Variants in INPP5A observed in about 807,000 individuals in gnomAD.
INPP5A encodes 43 kDa inositol polyphosphate 5-phophatase.
A neutral mutation model predicts 65.2 loss-of-function variants in INPP5A; 14 were observed. That is an observed-to-expected ratio of 0.21 (90% CI 0.14 to 0.34). INPP5A has a LOEUF of 0.34. INPP5A is among the 10% of genes least tolerant of loss of function. The probability of loss-of-function intolerance (pLI) is 1.00; values close to 1 mark genes in which losing one functional copy is unlikely to be tolerated. For missense variants in INPP5A, 431 were observed against 545.6 expected (o/e 0.79, Z 2.09); for synonymous variants, 207 against 208.3 (o/e 0.99, Z 0.05).
intron 4 of INPP5A, among the ~76,000 whole-genome samples, chr10:132,666,696 T>C (rs2072809707): frequency 6.6e-6 from 1 of 152,244 alleles, no homozygotes; most frequent in African/African-American, 2.4e-5. Flanking sequence ...ACTGTGCTCT[T>C]CATCTTGAAA....
At chr10:132,732,422 A>G (rs1846103109) in intron 9 of INPP5A, among the ~76,000 whole-genome samples, 1 of 152,226 alleles carries the variant, frequency 6.6e-6, no homozygotes, top group Non-Finnish European at 1.5e-5. Flanking sequence ...AGCCTAGTGG[A>G]AAATAGGGAA....
intron 5 of INPP5A, among the ~76,000 whole-genome samples, chr10:132,696,783 G>A (rs1845350934): frequency 6.6e-6 from 1 of 152,188 alleles, no homozygotes; most frequent in South Asian, 2.1e-4. Context: ...GGCTGGGCCG[G>A]GTCACAGCAC....
At chr10:132,656,481 C>T (rs1026019183) in intron 4 of INPP5A, among the ~76,000 whole-genome samples, 3 of 152,188 alleles carry the variant, frequency 2.0e-5, no homozygotes, top group Middle Eastern at 3.2e-3. Flanking sequence ...GCCTGCTCCT[C>T]GGAGGGTCCC....
intron 7 of INPP5A, among the ~76,000 whole-genome samples, chr10:132,709,998 C>T (rs1288278043): frequency 6.6e-6 from 1 of 152,274 alleles, no homozygotes; most frequent in Non-Finnish European, 1.5e-5. Flanking sequence ...CAGCCCTGAG[C>T]AGCATCAGCT....
At chr10:132,598,187 C>T (rs770202743) in intron 1 of INPP5A, among the ~76,000 whole-genome samples, 28 of 152,134 alleles carry the variant, frequency 1.8e-4, no homozygotes, top group African/African-American at 5.6e-4. Flanking sequence ...GTGTGTGGCT[C>T]GGCTGCTTGA....
rs534805803 is a variant in INPP5A at position 132,630,919 on chromosome 10, C to T, written c.118-14949C>T. ...TTTCCACCTCTGCCCGTGGCGTCTCCGGCAGCAGCTTCTGGCTCCATCTGC... is the reference window on the plus strand; with the variant it reads ...TTTCCACCTCTGCCCGTGGCGTCTCTGGCAGCAGCTTCTGGCTCCATCTGC... On this transcript the variant is annotated intron_variant, in intron 2 of 15. Coordinates refer to ENST00000368594, the MANE Select transcript of INPP5A (RefSeq NM_005539.5). Among the ~76,000 whole-genome samples the T allele has an allele frequency of 5.9e-5, 9 of 152,294 alleles. No individual in the cohort carries two copies. The South Asian group carries it at 8.3e-4, about 14-fold the overall frequency.
At chr10:132,720,744 C>T (rs1331472822) in intron 8 of INPP5A, among the ~76,000 whole-genome samples, 9 of 148,946 alleles carry the variant, frequency 6.0e-5, no homozygotes, top group Non-Finnish European at 5.9e-5. Context: ...TCTGTCTGGG[C>T]GCCTTAGACG....
intron 1 of INPP5A, among the ~76,000 whole-genome samples, chr10:132,562,222 T>C (rs2071215022): frequency 6.6e-6 from 1 of 152,232 alleles, no homozygotes; most frequent in African/African-American, 2.4e-5. Flanking sequence ...AGGCATGACC[T>C]CTGCACATCA....
At chr10:132,712,752 A>G (rs550895689) in intron 8 of INPP5A, among the ~76,000 whole-genome samples, 3 of 143,034 alleles carry the variant, frequency 2.1e-5, no homozygotes, top group Admixed American at 2.1e-4. Flanking sequence ...GTGTAGGTGC[A>G]TGTGTCTGTG....
intron 4 of INPP5A, among the ~76,000 whole-genome samples, chr10:132,683,733 C>T (rs150865180): frequency 6.6e-6 from 1 of 152,302 alleles, no homozygotes; most frequent in East Asian, 1.9e-4. Flanking sequence ...TTGTTTGAGA[C>T]AAAGTCTCAC....
At chr10:132,686,604 C>A (rs559530405) in intron 4 of INPP5A, among the ~76,000 whole-genome samples, 1 of 152,312 alleles carries the variant, frequency 6.6e-6, no homozygotes, top group South Asian at 2.1e-4. Flanking sequence ...TTTAAATGTT[C>A]ATTACAGCTA....
chr10:132,744,321 C>G (rs1402434121), intron 9 of INPP5A, among the ~76,000 whole-genome samples: 1 of 152,246 alleles, frequency 6.6e-6, no homozygotes, highest in Non-Finnish European at 1.5e-5. Flanking sequence ...CATCCCCCAC[C>G]ACCCACAGGC....
intron 1 of INPP5A, among the ~76,000 whole-genome samples, chr10:132,582,121 G>A (rs1750337038): frequency 6.6e-6 from 1 of 152,154 alleles, no homozygotes; most frequent in Non-Finnish European, 1.5e-5. Context: ...TTACAGGTAT[G>A]AGCCACTGCG....
At position 132,650,754 on chromosome 10, in the gene INPP5A, T is replaced by C. The variant is rs779198299; in HGVS notation, c.306+249T>C. Among the ~76,000 whole-genome samples the C allele has an allele frequency of 3.9e-5, 6 of 152,152 alleles. No individual in the cohort carries two copies. The highest frequency in any genetic ancestry group is 1.9e-4 in the East Asian group (1 of 5,162). The stretch of plus-strand genomic sequence containing the variant: ...GCTCCAGACCAAGCCCAAGAGGGAA[T>C]TGGGGAGTGACAGGTGGGGAGAGGC... On this transcript the variant is annotated intron_variant, in intron 4 of 15. Transcript: ENST00000368594. The surrounding 1 kb of genome is among the most constrained non-coding windows in gnomAD (Gnocchi z 5.5).
chr10:132,627,387 C>G lies in INPP5A; in HGVS notation c.118-18481C>G, dbSNP rs1362316113. Among the ~76,000 whole-genome samples the G allele has an allele frequency of 6.6e-6, 1 of 152,100 alleles. No individual in the cohort carries two copies. Among genetic ancestry groups the G allele is most frequent in the African/African-American group, 2.4e-5 (1 of 41,402 alleles). ...GGCTCCACACCTGTCCTGAGAGGGT[C>G]TGTCCTGGCCGCTGAGCAGGTGGGT... On this transcript the variant is annotated intron_variant, in intron 2 of 15. Coordinates refer to ENST00000368594, the MANE Select transcript of INPP5A (RefSeq NM_005539.5). This position sits in a 1 kb window ranked among gnomAD's most constrained non-coding sequence, Gnocchi z 6.6.
At chr10:132,710,528 G>C in intron 8 of INPP5A, 72 bp downstream of exon 8, 2 of 1,563,270 alleles carry the variant, frequency 1.3e-6, no homozygotes, top group Non-Finnish European at 1.7e-6. Context: ...TGAGTGGAGA[G>C]GTAGGTGTGG....
intron 8 of INPP5A, among the ~76,000 whole-genome samples, chr10:132,711,167 C>T (rs1471201277): frequency 2.6e-5 from 4 of 152,278 alleles, no homozygotes; most frequent in East Asian, 3.9e-4. Flanking sequence ...TCAGTGGGAG[C>T]GTGGGGGCCA....
intron 8 of INPP5A, among the ~76,000 whole-genome samples, chr10:132,723,394 C>T (rs117538247): frequency 2.0e-5 from 3 of 150,582 alleles, no homozygotes; most frequent in Non-Finnish European, 4.5e-5. Flanking sequence ...AGCCAACTGA[C>T]GGCCGCGTCT....
intron 1 of INPP5A, among the ~76,000 whole-genome samples, chr10:132,596,912 T>TGCGC (rs1554932660): frequency 1.9e-5 from 1 of 53,104 alleles, no homozygotes; most frequent in Non-Finnish European, 5.2e-5. Context: ...TGTGCATGTG[T>TGCGC]GCATGTGTGC....
Sources: gnomAD v4.1 joint callset for allele counts (sites outside exome capture counted in the v4.1 genomes callset) on GRCh38, gnomAD v4.1.1 for gene constraint, Gnocchi (gnomAD v3.1) non-coding constraint, MANE v1.5 for transcripts, NCBI Gene and HGNC (gene_info 2026-07-23, HGNC 2026-07-21) for gene names.